The following TGFBR1 variants were observed in gnomAD, a reference collection of about 807,000 sequenced individuals.
The protein encoded by TGFBR1 is transforming growth factor beta receptor 1.
Under a neutral mutation model 55.1 loss-of-function variants are expected in TGFBR1, and 20 were observed. The observed-to-expected ratio is 0.36, with a 90% CI of 0.26 to 0.53. TGFBR1 has a LOEUF of 0.53. Ranked by LOEUF, TGFBR1 falls within the 20% of genes least tolerant of loss-of-function variation. The pLI is 0.91. For synonymous variants in TGFBR1, 220 were observed against 214.8 expected (o/e 1.02, Z -0.21); for missense variants, 385 against 617.6 (o/e 0.62, Z 3.99).
intron 5 of TGFBR1, among the ~76,000 whole-genome samples, chr9:99,143,388 TTA>T (rs1827689580): frequency 6.6e-6 from 1 of 152,232 alleles, no homozygotes; most frequent in Admixed American, 6.5e-5. Context: ...CATCTAATAA[TTA>T]TATTTGACCT....
At position 99,152,827 on chromosome 9, in the gene TGFBR1, C is replaced by G. The variant is rs1828015075; in HGVS notation, c.*3522C>G. The G allele has an allele frequency of 4.3e-6, 1 of 231,490 alleles. No individual in the cohort carries two copies. The highest frequency in any genetic ancestry group is 2.2e-5 in the African/African-American group (1 of 45,252). 14.3% of individuals were successfully genotyped at this position (231,490 alleles called of 1,614,324 possible). A position where few individuals can be genotyped will look rare whatever the true frequency, so the allele number is the denominator to read the frequency against. ...GGACATGTACTGCAGCTTCTTGTCT[C>G]TGTTTTGGATTACTGGAATACCCAT... On this transcript the variant is annotated 3_prime_UTR_variant, in exon 9 of 9. Coordinates refer to ENST00000374994, the MANE Select transcript of TGFBR1 (RefSeq NM_004612.4).
intron 1 of TGFBR1, among the ~76,000 whole-genome samples, chr9:99,125,230 A>G (rs943194880): frequency 6.6e-6 from 1 of 152,220 alleles, no homozygotes; most frequent in Non-Finnish European, 1.5e-5. Flanking sequence ...TGGTAAGTTC[A>G]GGATGAGACA....
intron 1 of TGFBR1, among the ~76,000 whole-genome samples, chr9:99,112,610 T>C (rs1310966153): frequency 6.6e-6 from 1 of 152,192 alleles, no homozygotes; most frequent in East Asian, 1.9e-4. Flanking sequence ...AGGCACTCAG[T>C]AAATATTTGT....
rs1349330838 is a variant in TGFBR1, at chr9:99,144,908, T to C, written c.1130+20T>C. Reference sequence around the variant, plus strand: ...AAAAAGGTATACTTTTGAACAACTATATTTAATATCTTCTGAAATCACCTT... The same window carrying C: ...AAAAAGGTATACTTTTGAACAACTACATTTAATATCTTCTGAAATCACCTT... On this transcript the variant is annotated intron_variant, in intron 6 of 8. Coordinates refer to ENST00000374994, the MANE Select transcript of TGFBR1 (RefSeq NM_004612.4). 4 of 1,612,136 alleles carry C rather than the reference T, an allele frequency of 2.5e-6. No individual in the cohort carries two copies. The East Asian group carries it at 6.7e-5, about 27-fold the overall frequency.
At chr9:99,104,922 G>A (rs975192533), upstream of TGFBR1, among the ~76,000 whole-genome samples, 6 of 151,982 alleles carry the variant, frequency 3.9e-5, no homozygotes, top group African/African-American at 1.4e-4. Flanking sequence ...AGCCCCCGGG[G>A]AGCGTGGGGC....
intron 5 of TGFBR1, among the ~76,000 whole-genome samples, 156 bp from the exon 6 acceptor site, chr9:99,144,576 A>G (rs1187987772): frequency 6.6e-6 from 1 of 152,148 alleles, no homozygotes. Flanking sequence ...TGGTGTAGTG[A>G]TTCACTTGAG....
intron 2 of TGFBR1, 147 bp downstream of exon 2, chr9:99,129,247 T>C: frequency 1.0e-6 from 1 of 961,140 alleles, no homozygotes; most frequent in Non-Finnish European, 1.6e-6. Flanking sequence ...GTTACAGACT[T>C]ATAAGAGTAA....
chr9:99,153,399 T>G lies in TGFBR1; in HGVS notation c.*4094T>G, dbSNP rs1220567109. The G allele has an allele frequency of 4.6e-6, 1 of 215,808 alleles. No homozygotes were observed. The highest frequency in any genetic ancestry group is 9.4e-6 in the Non-Finnish European group (1 of 106,758). The allele number at this position is 215,808 out of a possible 1,614,324, so 13.4% of individuals were successfully genotyped here. A position where few individuals can be genotyped will look rare whatever the true frequency, so the allele number is the denominator to read the frequency against. On this transcript the variant is annotated 3_prime_UTR_variant, in exon 9 of 9. Transcript: ENST00000374994. ...TTCTTTAGGCTTTATCAGTGTAATCTCTGCCTTTTAAGATATGTACAGAAA... is the reference window on the plus strand; with the variant it reads ...TTCTTTAGGCTTTATCAGTGTAATCGCTGCCTTTTAAGATATGTACAGAAA...
rs1827949608 is a variant in TGFBR1, at chr9:99,150,419, T to TAAAA, written c.*1116_*1117insAAAA. Reference sequence around the variant, plus strand: ...TTTATCTGTTCAAAGACTTATTTTTTAAGACATGAATTACATTTAAAATTA... The same window carrying TAAAA: ...TTTATCTGTTCAAAGACTTATTTTTTAAAAAAGACATGAATTACATTTAAAATTA... On this transcript the variant is annotated 3_prime_UTR_variant, in exon 9 of 9. Transcript: ENST00000374994. The TAAAA allele has an allele frequency of 4.7e-6, 1 of 210,846 alleles. No homozygotes were observed. The highest frequency in any genetic ancestry group is 9.6e-6 in the Non-Finnish European group (1 of 103,642). The allele number at this position is 210,846 out of a possible 1,614,324, so 13.1% of individuals were successfully genotyped here.
chr9:99,135,719 G>A (rs1447354886), intron 3 of TGFBR1, among the ~76,000 whole-genome samples: 2 of 152,148 alleles, frequency 1.3e-5, no homozygotes, highest in African/African-American at 4.8e-5. Flanking sequence ...TTCACTGCAT[G>A]TAAAGCTGTG....
chr9:99,107,762 TC>T (rs1826456065), intron 1 of TGFBR1, among the ~76,000 whole-genome samples: 1 of 152,360 alleles, frequency 6.6e-6, no homozygotes, highest in Non-Finnish European at 1.5e-5. Context: ...TCTCTGAGTA[TC>T]CTACCAGGGA....
At chr9:99,116,654 C>G (rs1359998654) in intron 1 of TGFBR1, among the ~76,000 whole-genome samples, 3 of 152,102 alleles carry the variant, frequency 2.0e-5, no homozygotes, top group Non-Finnish European at 1.5e-5. Context: ...CCTGATAGAT[C>G]CTTATCTTTT....
chr9:99,103,972 C>T (rs1463026356), upstream of TGFBR1: 1 of 152,166 alleles, frequency 6.6e-6, no homozygotes, highest in East Asian at 1.9e-4. Context: ...AAAATTTCCT[C>T]CTTAAAAGGT....
At chr9:99,144,931 C>CT (rs762194103) in intron 6 of TGFBR1, 43 bp downstream of exon 6, 2 of 1,601,874 alleles carry the variant, frequency 1.2e-6, no homozygotes, top group South Asian at 2.2e-5. Context: ...CTGAAATCAC[C>CT]TTTTTTCCCT....
upstream of TGFBR1, among the ~76,000 whole-genome samples, chr9:99,103,655 T>C (rs989152699): frequency 1.3e-5 from 2 of 152,192 alleles, no homozygotes; most frequent in African/African-American, 2.4e-5. Context: ...GGGAGTTTGC[T>C]GCTGAGGCTG....
upstream of TGFBR1, chr9:99,103,988 G>A (rs1397796407): frequency 1.3e-5 from 2 of 152,140 alleles, no homozygotes; most frequent in African/African-American, 4.8e-5. Flanking sequence ...AAGGTTCTGC[G>A]GAAAAATATT....
chr9:99,144,401 G>T (rs913383475), intron 5 of TGFBR1, among the ~76,000 whole-genome samples: 1 of 152,098 alleles, frequency 6.6e-6, no homozygotes, highest in East Asian at 1.9e-4. Flanking sequence ...CTTGGTTCCT[G>T]GGCTGCTGGA....
At chr9:99,117,700 C>T (rs1826787752) in intron 1 of TGFBR1, among the ~76,000 whole-genome samples, 1 of 152,104 alleles carries the variant, frequency 6.6e-6, no homozygotes, top group Admixed American at 6.5e-5. Context: ...TCTGTTTGCC[C>T]ATTTGTCCTT....
At chr9:99,147,403 A>C (rs189953673) in intron 7 of TGFBR1, among the ~76,000 whole-genome samples, 19 of 152,282 alleles carry the variant, frequency 1.2e-4, no homozygotes, top group Admixed American at 1.1e-3. Flanking sequence ...CACAGCTCAT[A>C]GTTTACTGTC....
Sources: allele counts gnomAD v4.1 joint callset (sites outside exome capture counted in the v4.1 genomes callset), GRCh38; gene constraint gnomAD v4.1.1; transcripts MANE v1.5; gene names NCBI Gene and HGNC (gene_info 2026-07-23, HGNC 2026-07-21).